The following BAP1 variants were observed in gnomAD, a reference collection of about 807,000 sequenced individuals.
The protein encoded by BAP1 is ubiquitin carboxyl-terminal hydrolase BAP1.
In BAP1, 16 loss-of-function variants were observed where a neutral mutation model predicts 77.2. That is an observed-to-expected ratio of 0.21 (90% CI 0.14 to 0.31). The LOEUF is 0.31. Among genes scored for constraint, BAP1 ranks in the 10% least tolerant of loss-of-function variants. The probability of loss-of-function intolerance (pLI) is 1.00; values close to 1 mark genes in which losing one functional copy is unlikely to be tolerated. For missense variants in BAP1, 699 were observed against 967.3 expected (o/e 0.72, Z 3.68); for synonymous variants, 362 against 385.2 (o/e 0.94, Z 0.71).
chr3:52,402,959 A>G lies in BAP1; in HGVS notation c.1891-88T>C, dbSNP rs1222810276. The G allele has an allele frequency of 6.2e-7, 1 of 1,606,648 alleles. No individual in the cohort carries two copies. Among genetic ancestry groups the G allele is most frequent in the Non-Finnish European group, 8.5e-7 (1 of 1,179,364 alleles). Reference sequence around the variant, plus strand: ...TAGGCAGCTAGAGGCAAGGATGAGCAGCGAGTCCATGCCTATCAAGGCCCC... The same window carrying G: ...TAGGCAGCTAGAGGCAAGGATGAGCGGCGAGTCCATGCCTATCAAGGCCCC... On this transcript the variant is annotated intron_variant, in intron 14 of 16. Transcript: ENST00000460680. This position sits in a 1 kb window ranked among gnomAD's most constrained non-coding sequence, Gnocchi z 5.3.
chr3:52,404,685 C>A (rs1705093445), intron 11 of BAP1, 99 bp from the exon 12 acceptor site: 2 of 1,519,780 alleles, frequency 1.3e-6, no homozygotes, highest in African/African-American at 1.4e-5. Context: ...GTTTTCCAGA[C>A]TGAGTCAGCG....
chr3:52,409,915 C>T lies in BAP1; in HGVS notation c.-37G>A. The T allele has an allele frequency of 2.5e-6, 4 of 1,600,286 alleles. No individual in the cohort carries two copies. The highest frequency in any genetic ancestry group is 3.4e-6 in the Non-Finnish European group (4 of 1,179,304). On this transcript the variant is annotated 5_prime_UTR_variant, in exon 1 of 17. Transcript: ENST00000460680. ...GCGGCCCCTCAGCGCCATGTCCAGG[C>T]CCTCCCTCCCCACCGCTGCCCCCAC...
Position 52,405,871 on chromosome 3 carries a change from CT to C in BAP1, c.824del (p.Lys275SerfsTer60), listed in dbSNP as rs1559589252. On this transcript the variant is annotated frameshift_variant, in exon 10 of 17. Transcript: ENST00000460680. LOFTEE classifies it high-confidence loss of function. ...CCTCAGGCAGCTGTGACTCTTGAGA[CT>C]TGTGGGTCTGAATCAGCTCTGGCTG... ...VTQPELIQTHKSQESQLPEES... is the reference protein window; with the variant it reads ...VTQPELIQTHXSQESQLPEES... The C allele has an allele frequency of 6.2e-7, 1 of 1,614,142 alleles. No homozygotes were observed. Among genetic ancestry groups the C allele is most frequent in the African/African-American group, 1.3e-5 (1 of 75,042 alleles).
chr3:52,405,376 G>GCACTTCC (rs1277269243), intron 10 of BAP1, 82 bp from the exon 11 acceptor site: 2 of 1,557,970 alleles, frequency 1.3e-6, no homozygotes, highest in African/African-American at 2.7e-5. Flanking sequence ...CTGTGAACCA[G>GCACTTCC]CACTTCCCAG....
At chr3:52,405,377 C>T in intron 10 of BAP1, 83 bp from the exon 11 acceptor site, 1 of 1,562,496 alleles carries the variant, frequency 6.4e-7, no homozygotes, top group South Asian at 1.1e-5. Flanking sequence ...TGTGAACCAG[C>T]ACTTCCCAGA....
chr3:52,406,411 C>T lies in BAP1; in HGVS notation c.660-35G>A, dbSNP rs369980498. 35 of 1,610,400 alleles carry T rather than the reference C, an allele frequency of 2.2e-5. No homozygotes were observed. The highest frequency in any genetic ancestry group is 3.3e-4 in the Middle Eastern group (2 of 6,010). On this transcript the variant is annotated intron_variant, in intron 8 of 16. Coordinates refer to ENST00000460680, the MANE Select transcript of BAP1 (RefSeq NM_004656.4). This position sits in a 1 kb window ranked among gnomAD's most constrained non-coding sequence, Gnocchi z 4.6. ...CAGCCGCAGCCGTGAGAGCAGCTCC[C>T]GCCCCGGCCCCGCCATCAGGTTGAG...
chr3:52,409,128 G>C (rs558291868), intron 3 of BAP1, among the ~76,000 whole-genome samples: 109 of 152,328 alleles, frequency 7.2e-4, no homozygotes, highest in African/African-American at 2.5e-3. Flanking sequence ...GGACCACTGG[G>C]AAAAGACTCT....
chr3:52,404,391 G>A, intron 12 of BAP1, 62 bp downstream of exon 12: 9 of 1,612,018 alleles, frequency 5.6e-6, no homozygotes, highest in Non-Finnish European at 6.8e-6. Context: ...GACACAGACT[G>A]AGATATTCAG....
At position 52,403,999 on chromosome 3, in the gene BAP1, A is replaced by C; in HGVS notation, c.1251-105T>G. On this transcript the variant is annotated intron_variant, in intron 12 of 16. Coordinates refer to ENST00000460680, the MANE Select transcript of BAP1 (RefSeq NM_004656.4). This position sits in a 1 kb window ranked among gnomAD's most constrained non-coding sequence, Gnocchi z 4.0. The stretch of plus-strand genomic sequence containing the variant: ...ATCCCGACCTCCAGGGGCTGACCCT[A>C]AAACTCCTTATACTTGGTCCAAGCA... 2 of 1,204,440 alleles carry C rather than the reference A, an allele frequency of 1.7e-6. No homozygotes were observed. Among genetic ancestry groups the C allele is most frequent in the South Asian group, 1.3e-5 (1 of 78,310 alleles). The allele number at this position is 1,204,440 out of a possible 1,614,324, so 74.6% of individuals were successfully genotyped here.
chr3:52,404,265 A>AC (rs1358889729), intron 12 of BAP1, among the ~76,000 whole-genome samples, 188 bp downstream of exon 12: 2 of 152,082 alleles, frequency 1.3e-5, no homozygotes, highest in East Asian at 3.9e-4. Context: ...GCTCAGCCTT[A>AC]CCCCCCAGCC....
At position 52,402,303 on chromosome 3, in the gene BAP1, C is replaced by T. The variant is rs760537008; in HGVS notation, c.2175G>A (p.Lys725=). ...PDRRKRSRPY[K]AKRQ Reference sequence around the variant, plus strand: ...CCAGCAGTCCTCACTGGCGCTTGGCCTTGTAGGGGCGAGAGCGTTTCCGCC... The same window carrying T: ...CCAGCAGTCCTCACTGGCGCTTGGCTTTGTAGGGGCGAGAGCGTTTCCGCC... The change falls in exon 17 of 17, where the codon AAG becomes AAA. Residue 725 remains lysine (K), a synonymous_variant. Coordinates refer to ENST00000460680, the MANE Select transcript of BAP1 (RefSeq NM_004656.4). The surrounding 1 kb of genome is among the most constrained non-coding windows in gnomAD (Gnocchi z 5.3). 5.0e-6 allele frequency: 8 copies of T among 1,599,628 alleles called. No homozygotes were observed. Among genetic ancestry groups the T allele is most frequent in the African/African-American group, 1.3e-5 (1 of 74,870 alleles).
intron 10 of BAP1, 193 bp downstream of exon 10, chr3:52,405,572 A>G: frequency 1.3e-6 from 1 of 772,418 alleles, no homozygotes; most frequent in Non-Finnish European, 2.0e-6. Context: ...AGAAGGGCCC[A>G]GGGGCCTGTG....
rs1559589588 is a variant in BAP1, at chr3:52,406,216, T to G, written c.783+37A>C. On this transcript the variant is annotated intron_variant, in intron 9 of 16. Coordinates refer to ENST00000460680, the MANE Select transcript of BAP1 (RefSeq NM_004656.4). This position sits in a 1 kb window ranked among gnomAD's most constrained non-coding sequence, Gnocchi z 4.6. Reference sequence around the variant, plus strand: ...GAAGGGAGGAGGAATGCAGGGAGGGTTGGGCTGGGCAGAGGCCAGGAAGAA... The same window carrying G: ...GAAGGGAGGAGGAATGCAGGGAGGGGTGGGCTGGGCAGAGGCCAGGAAGAA... 1.9e-6 allele frequency: 3 copies of G among 1,612,734 alleles called. No individual in the cohort carries two copies. Among genetic ancestry groups the G allele is most frequent in the Non-Finnish European group, 1.7e-6 (2 of 1,179,662 alleles).
intron 10 of BAP1, 198 bp from the exon 11 acceptor site, chr3:52,405,492 GAAAAAAAAA>G (rs71084182): frequency 4.9e-5 from 4 of 81,298 alleles, no homozygotes; most frequent in East Asian, 3.2e-4. Flanking sequence ...GAAGCAGGAA[GAAAAAAAAA>G]AAAAAAAAAA....
Position 52,403,022 on chromosome 3 carries a change from C to T in BAP1, c.1890+116G>A. On this transcript the variant is annotated intron_variant, in intron 14 of 16. Coordinates refer to ENST00000460680, the MANE Select transcript of BAP1 (RefSeq NM_004656.4). The surrounding 1 kb of genome is among the most constrained non-coding windows in gnomAD (Gnocchi z 4.0). The stretch of plus-strand genomic sequence containing the variant: ...ACCCAGAAAGTCTTCTGGCACATGG[C>T]TCCAGCCACCAATCTTCACACCAAA... 1 of 1,596,940 alleles carries T rather than the reference C, an allele frequency of 6.3e-7. No individual in the cohort carries two copies. The highest frequency in any genetic ancestry group is 8.5e-7 in the Non-Finnish European group (1 of 1,176,424).
intron 5 of BAP1, 74 bp downstream of exon 5, chr3:52,407,884 T>C (rs1705216075): frequency 2.5e-6 from 4 of 1,603,594 alleles, no homozygotes; most frequent in East Asian, 2.2e-5. Flanking sequence ...TATCATGTGG[T>C]AGCATTCCCA....
intron 11 of BAP1, among the ~76,000 whole-genome samples, 177 bp from the exon 12 acceptor site, chr3:52,404,763 T>C (rs1455456329): frequency 1.3e-5 from 2 of 151,950 alleles, no homozygotes; most frequent in African/African-American, 4.9e-5. Flanking sequence ...TTACACTGGA[T>C]AGAACCCCAC....
rs1704997333 is a variant in BAP1 at position 52,402,579 on chromosome 3, A to G, written c.2056+23T>C. The G allele has an allele frequency of 6.2e-7, 1 of 1,613,868 alleles. No individual in the cohort carries two copies. The highest frequency in any genetic ancestry group is 1.7e-5 in the Admixed American group (1 of 60,030). On this transcript the variant is annotated intron_variant, in intron 16 of 16. Transcript: ENST00000460680. This position sits in a 1 kb window ranked among gnomAD's most constrained non-coding sequence, Gnocchi z 5.3. Reference sequence around the variant, plus strand: ...CGGCCCTCAGCAGGGCATTCCAGTTAAGACAGCAGCGCATCCCCTCACCTT... The same window carrying G: ...CGGCCCTCAGCAGGGCATTCCAGTTGAGACAGCAGCGCATCCCCTCACCTT...
In BAP1 at chr3:52,403,494, G is replaced by C. The variant is rs755664216; in HGVS notation, c.1651C>G (p.Arg551Gly). The C allele has an allele frequency of 2.5e-6, 4 of 1,614,030 alleles. No individual in the cohort carries two copies. Among genetic ancestry groups the C allele is most frequent in the Admixed American group, 3.3e-5 (2 of 60,028 alleles). The change falls in exon 13 of 17, where the codon CGT becomes GGT. Residue 551 changes from arginine (R) to glycine (G), a missense_variant. Around this residue, in one of 3 missense-constraint regions of BAP1, gnomAD observed 475 missense variants for 532.4 expected, o/e 0.89. Coordinates refer to ENST00000460680, the MANE Select transcript of BAP1 (RefSeq NM_004656.4). This position sits in a 1 kb window ranked among gnomAD's most constrained non-coding sequence, Gnocchi z 4.0. ...GTGCTGATGACAGGACCCAGATCAC[G>C]GACAGCACGGTTGTAGCGTATGCAG... ...VDCIRYNRAV[R>G]DLGPVISTGL...
Sources: allele counts gnomAD v4.1 joint callset (sites outside exome capture counted in the v4.1 genomes callset), GRCh38; gene constraint gnomAD v4.1.1; regional missense constraint gnomAD v4.1.1; non-coding constraint Gnocchi (gnomAD v3.1); transcripts MANE v1.5; gene names NCBI Gene and HGNC (gene_info 2026-07-23, HGNC 2026-07-21).